Variants in CRLS1 observed in about 807,000 individuals in gnomAD.
CRLS1 encodes the protein cardiolipin synthase (CMP-forming).
A neutral mutation model predicts 37.0 loss-of-function variants in CRLS1; 24 were observed. The observed-to-expected ratio is 0.65, with a 90% CI of 0.47 to 0.91. CRLS1 has a LOEUF of 0.91. Ranked by LOEUF, CRLS1 falls within the 40% of genes least tolerant of loss-of-function variation. The pLI, the probability that CRLS1 is intolerant of heterozygous loss-of-function variation, is 0.00. For missense variants in CRLS1, 373 were observed against 395.8 expected (o/e 0.94, Z 0.49); for synonymous variants, 135 against 159.7 (o/e 0.85, Z 1.17).
chr20:6,006,597 C>T, intron 1 of CRLS1, 45 bp downstream of exon 1: 2 of 1,246,636 alleles, frequency 1.6e-6, no homozygotes, highest in African/African-American at 1.6e-5. Flanking sequence ...GGGCTGGGGT[C>T]GCCGCCCCTG....
At chr20:6,013,222 C>CT (rs10574006) in intron 2 of CRLS1, among the ~76,000 whole-genome samples, 434 of 129,022 alleles carry the variant, frequency 3.4e-3, no homozygotes, top group African/African-American at 7.3e-3. Context: ...TTTGTTTGGC[C>CT]TTTTTTTTTT....
intron 3 of CRLS1, chr20:6,023,532 A>T (rs1324957984): frequency 6.6e-6 from 1 of 152,194 alleles, no homozygotes; most frequent in Non-Finnish European, 1.5e-5. Context: ...GGTTTATCAG[A>T]GCCCAACTTC....
intron 5 of CRLS1, among the ~76,000 whole-genome samples, chr20:6,032,433 A>G (rs1980240214): frequency 6.7e-6 from 1 of 150,038 alleles, no homozygotes; most frequent in Non-Finnish European, 1.5e-5. Flanking sequence ...TCCTGGCTTC[A>G]AGCAATTCTC....
intron 3 of CRLS1, among the ~76,000 whole-genome samples, chr20:6,024,375 A>G (rs1979510727): frequency 6.6e-6 from 1 of 152,226 alleles, no homozygotes; most frequent in Non-Finnish European, 1.5e-5. Flanking sequence ...GGATGCAGTG[A>G]ACCCGTCAGA....
At chr20:6,029,094 C>A (rs1466515103) in intron 3 of CRLS1, among the ~76,000 whole-genome samples, 1 of 151,906 alleles carries the variant, frequency 6.6e-6, no homozygotes, top group East Asian at 1.9e-4. Flanking sequence ...ACTGAGCTCT[C>A]TCAAGGTGAC....
At chr20:6,026,237 A>G (rs1273372957) in intron 3 of CRLS1, 1 of 152,206 alleles carries the variant, frequency 6.6e-6, no homozygotes, top group African/African-American at 2.4e-5. Context: ...GTCAACATTG[A>G]GGTAAGATCC....
In CRLS1 at chr20:6,009,820, A is replaced by G; in HGVS notation, c.352A>G (p.Ile118Val). The change falls in exon 2 of 7, where the codon ATT becomes GTT. Residue 118 changes from isoleucine to valine, a missense_variant. By Grantham distance (29) the Ile-to-Val change is conservative. Transcript: ENST00000378863. Reference protein sequence around the residue: ...TIPNMLSMTRIGLAPVLGYLI... With the variant: ...TIPNMLSMTRVGLAPVLGYLI... Reference sequence around the variant, plus strand: ...CCCGAATATGTTGTCAATGACGAGAATTGGCTTGGCCCCAGTTCTGGGCTA... The same window carrying G: ...CCCGAATATGTTGTCAATGACGAGAGTTGGCTTGGCCCCAGTTCTGGGCTA... 6.2e-7 allele frequency: 1 copy of G among 1,614,144 alleles called. No individual in the cohort carries two copies. The highest frequency in any genetic ancestry group is 8.5e-7 in the Non-Finnish European group (1 of 1,179,994).
intron 2 of CRLS1, among the ~76,000 whole-genome samples, chr20:6,011,167 A>G (rs2090126833): frequency 6.6e-6 from 1 of 152,216 alleles, no homozygotes; most frequent in Non-Finnish European, 1.5e-5. Context: ...TGAGATCTAT[A>G]TGAGCATCCA....
At chr20:6,009,672 C>A in intron 1 of CRLS1, 103 bp from the exon 2 acceptor site, 1 of 874,992 alleles carries the variant, frequency 1.1e-6, no homozygotes, top group South Asian at 2.3e-5. Flanking sequence ...TATGTAGCTT[C>A]TGACTGAAGT....
At chr20:6,013,289 C>T (rs1031520188) in intron 2 of CRLS1, among the ~76,000 whole-genome samples, 3 of 145,860 alleles carry the variant, frequency 2.1e-5, no homozygotes, top group African/African-American at 5.1e-5. Context: ...TGGCTTCAAA[C>T]GATCCTCCCA....
In CRLS1 at chr20:6,006,289, C is replaced by A; in HGVS notation, c.43C>A (p.Arg15Ser). 7.7e-7 allele frequency: 1 copy of A among 1,292,532 alleles called. No homozygotes were observed. Among genetic ancestry groups the A allele is most frequent in the Admixed American group, 3.8e-5 (1 of 26,374 alleles). 80.1% of individuals were successfully genotyped at this position (1,292,532 alleles called of 1,614,324 possible). Residue 15 changes from arginine (R) to serine (S), a missense_variant, in exon 1 of 7, where the codon CGC becomes AGC. Physicochemically the swap from Arg to Ser is moderately radical, Grantham distance 110 (BLOSUM62 -1). Coordinates refer to ENST00000378863, the MANE Select transcript of CRLS1 (RefSeq NM_019095.6). Reference sequence around the variant, plus strand: ...GGCGCGCGGCTCGTGGGGGGCCCTGCGCGGCGCCGCTTGGGCTCCGGGAAC... The same window carrying A: ...GGCGCGCGGCTCGTGGGGGGCCCTGAGCGGCGCCGCTTGGGCTCCGGGAAC... ...RVARGSWGAL[R>S]GAAWAPGTRP...
intron 3 of CRLS1, among the ~76,000 whole-genome samples, chr20:6,029,799 T>G (rs1980008796): frequency 6.6e-6 from 1 of 152,272 alleles, no homozygotes; most frequent in African/African-American, 2.4e-5. Context: ...ACATCTTGTT[T>G]GCTCCAAATG....
At chr20:6,011,565 G>C (rs1291390318) in intron 2 of CRLS1, among the ~76,000 whole-genome samples, 3 of 42,474 alleles carry the variant, frequency 7.1e-5, no homozygotes, top group Middle Eastern at 0.031. Flanking sequence ...CTTTTCTTTT[G>C]TCCCTGCTTT....
Position 6,038,460 on chromosome 20 carries a change from G to A in CRLS1, c.*1302G>A, listed in dbSNP as rs556244928. 1 of 152,382 alleles carries A rather than the reference G, an allele frequency of 6.6e-6. No individual in the cohort carries two copies. The highest frequency in any genetic ancestry group is 1.5e-5 in the Non-Finnish European group (1 of 68,050). The allele number at this position is 152,382 out of a possible 1,614,324, so 9.4% of individuals were successfully genotyped here. A position where few individuals can be genotyped will look rare whatever the true frequency, so the allele number is the denominator to read the frequency against. On this transcript the variant is annotated 3_prime_UTR_variant, in exon 7 of 7. Transcript: ENST00000378863. ...CCAGCGTGTCCCTCTGTGGCTTGCT[G>A]GTCCTGGTTGTTCTCAGACTGGCAG... is the stretch of plus-strand genomic sequence containing the variant.
In CRLS1 at chr20:6,016,454, G is replaced by GGTGTGTGT. The variant is rs61011560; in HGVS notation, c.574+978_574+985dup. Among the ~76,000 whole-genome samples the GGTGTGTGT allele has an allele frequency of 8.8e-4, 101 of 114,610 alleles. 1 individual carries two copies. The highest frequency in any genetic ancestry group is 5.8e-3 in the Admixed American group (69 of 11,930). The allele number at this position is 114,610 out of a possible 152,430, so 75.2% of individuals were successfully genotyped here. ...GGTGTGTATGTGATTGGGGAATGGG[G>GGTGTGTGT]GTGTGTGTGTGTGTGTGTGTGAGTT... On this transcript the variant is annotated intron_variant, in intron 3 of 6. Coordinates refer to ENST00000378863, the MANE Select transcript of CRLS1 (RefSeq NM_019095.6).
In CRLS1 at chr20:6,039,516, T is replaced by G. The variant is rs1980820960; in HGVS notation, c.*2358T>G. 6.6e-6 allele frequency: 1 copy of G among 152,148 alleles called. No individual in the cohort carries two copies. Among genetic ancestry groups the G allele is most frequent in the South Asian group, 2.1e-4 (1 of 4,828 alleles). The allele number at this position is 152,148 out of a possible 1,614,324, so 9.4% of individuals were successfully genotyped here. On this transcript the variant is annotated 3_prime_UTR_variant, in exon 7 of 7. Coordinates refer to ENST00000378863, the MANE Select transcript of CRLS1 (RefSeq NM_019095.6). Reference sequence around the variant, plus strand: ...TCAGTTTTAGTTTCTGCAGCATGGTTTGGAAACAAAAGATACATAGGATTT... The same window carrying G: ...TCAGTTTTAGTTTCTGCAGCATGGTGTGGAAACAAAAGATACATAGGATTT...
At chr20:6,021,896 T>A (rs1979312784) in intron 3 of CRLS1, among the ~76,000 whole-genome samples, 1 of 152,238 alleles carries the variant, frequency 6.6e-6, no homozygotes, top group Non-Finnish European at 1.5e-5. Flanking sequence ...AATATGATCT[T>A]AATAATTCTG....
chr20:6,027,074 G>A (rs978007737), intron 3 of CRLS1, among the ~76,000 whole-genome samples: 7 of 141,164 alleles, frequency 5.0e-5, no homozygotes, highest in Non-Finnish European at 7.5e-5. Context: ...ATAGACACTG[G>A]AAATTGAATT....
At chr20:6,013,239 T>C (rs1978475495) in intron 2 of CRLS1, among the ~76,000 whole-genome samples, 2 of 112,406 alleles carry the variant, frequency 1.8e-5, no homozygotes, top group Middle Eastern at 4.6e-3. Context: ...TTTTTTTTTT[T>C]GAGATAAATC....
Sources: allele counts gnomAD v4.1 joint callset (sites outside exome capture counted in the v4.1 genomes callset), GRCh38; gene constraint gnomAD v4.1.1; transcripts MANE v1.5; gene names NCBI Gene and HGNC (gene_info 2026-07-23, HGNC 2026-07-21).